EYA2: variants seen among roughly 807,000 people sequenced by gnomAD.
The protein encoded by EYA2 is protein phosphatase EYA2.
Under a neutral mutation model 69.2 loss-of-function variants are expected in EYA2, and 31 were observed. That is an observed-to-expected ratio of 0.45 (90% confidence interval 0.34 to 0.60). The LOEUF (loss-of-function observed/expected upper bound fraction) is 0.60. Among genes scored for constraint, EYA2 ranks in the 20% least tolerant of loss-of-function variants. EYA2 has a pLI of 0.02. For synonymous variants in EYA2, 257 were observed against 279.4 expected (o/e 0.92, Z 0.80); for missense variants, 622 against 701.2 (o/e 0.89, Z 1.28).
At chr20:46,974,768 C>G (rs983608581) in intron 1 of EYA2, among the ~76,000 whole-genome samples, 1 of 151,810 alleles carries the variant, frequency 6.6e-6, no homozygotes. Flanking sequence ...TTTAATGGCT[C>G]TGCATGAGAC....
rs60939329 is a variant in EYA2 at position 47,023,632 on chromosome 20, G to GTTTTTTTTTTTTT, written c.415+7345_415+7357dup. Among the ~76,000 whole-genome samples the GTTTTTTTTTTTTT allele has an allele frequency of 4.4e-5, 4 of 90,116 alleles. 1 individual carries two copies. The highest frequency in any genetic ancestry group is 2.6e-4 in the Admixed American group (2 of 7,590). 59.1% of individuals were successfully genotyped at this position (90,116 alleles called of 152,430 possible). A position where few individuals can be genotyped will look rare whatever the true frequency, so the allele number is the denominator to read the frequency against. ...CATCTCCAGAAGTTTGATTTTGGGTGTTTTTTTTTTTTTTTTTTTTTTGAA... is the reference window on the plus strand; with the variant it reads ...CATCTCCAGAAGTTTGATTTTGGGTGTTTTTTTTTTTTTTTTTTTTTTTTTTTTTTTTTTTGAA... On this transcript the variant is annotated intron_variant, in intron 5 of 15. Coordinates refer to ENST00000327619, the MANE Select transcript of EYA2 (RefSeq NM_005244.5).
chr20:46,967,334 T>C (rs1444124728), intron 1 of EYA2, among the ~76,000 whole-genome samples: 1 of 152,202 alleles, frequency 6.6e-6, no homozygotes, highest in East Asian at 1.9e-4. Flanking sequence ...ACATTTCAAG[T>C]CACCTGTGGC....
intron 1 of EYA2, among the ~76,000 whole-genome samples, chr20:46,966,037 G>A (rs1262452639): frequency 6.6e-6 from 1 of 152,242 alleles, no homozygotes; most frequent in Non-Finnish European, 1.5e-5. Flanking sequence ...CATGAATGTA[G>A]CACCTGGTGA....
chr20:47,172,933 C>A, intron 12 of EYA2, 66 bp downstream of exon 12: 1 of 1,522,042 alleles, frequency 6.6e-7, no homozygotes, highest in South Asian at 1.3e-5. Flanking sequence ...TGTCAGTGTC[C>A]CTGCTGTGCC....
chr20:46,940,694 C>G (rs116427381), intron 1 of EYA2, among the ~76,000 whole-genome samples: 1 of 152,166 alleles, frequency 6.6e-6, no homozygotes, highest in Non-Finnish European at 1.5e-5. Flanking sequence ...CCAAGCACAG[C>G]GCTCCGGGAG....
In EYA2 at chr20:46,946,485, T is replaced by C. The variant is rs1294871865; in HGVS notation, c.-10-43516T>C. On this transcript the variant is annotated intron_variant, in intron 1 of 15. Transcript: ENST00000327619. ...ATTGTGCGAGGGGCTCCCTTTGTTC[T>C]AAGAACTTTTCTGGACATGACCCTG... is the stretch of plus-strand genomic sequence containing the variant. Among the ~76,000 whole-genome samples the C allele has an allele frequency of 3.3e-5, 5 of 152,162 alleles. No homozygotes were observed. In the South Asian group the frequency reaches 1.0e-3, roughly 31 times the overall value.
At chr20:47,177,967 T>C (rs541611534) in intron 12 of EYA2, among the ~76,000 whole-genome samples, 13 of 152,250 alleles carry the variant, frequency 8.5e-5, no homozygotes, top group Non-Finnish European at 1.5e-4. Context: ...GTTGGGAGAA[T>C]ATAAACTAAA....
At chr20:47,126,088 A>G (rs1015784955) in intron 9 of EYA2, among the ~76,000 whole-genome samples, 7 of 152,238 alleles carry the variant, frequency 4.6e-5, no homozygotes, top group African/African-American at 1.7e-4. Flanking sequence ...TTGCAGCAAC[A>G]GTCTGCAAGC....
At chr20:46,968,815 C>A (rs143968707) in intron 1 of EYA2, among the ~76,000 whole-genome samples, 1 of 151,984 alleles carries the variant, frequency 6.6e-6, no homozygotes, top group Non-Finnish European at 1.5e-5. Flanking sequence ...AGAACCTCTA[C>A]GCTAAAAGAT....
intron 9 of EYA2, among the ~76,000 whole-genome samples, chr20:47,125,034 G>C (rs2033144136): frequency 6.8e-6 from 1 of 146,946 alleles, no homozygotes; most frequent in Admixed American, 6.9e-5. Flanking sequence ...GTATCCTACA[G>C]TCTTTTGGTT....
At chr20:47,184,603 T>TTTA (rs60573435) in intron 15 of EYA2, among the ~76,000 whole-genome samples, 2 of 150,944 alleles carry the variant, frequency 1.3e-5, no homozygotes, top group East Asian at 3.9e-4. Flanking sequence ...TTTTTTTTTT[T>TTTA]ATAGAGATGG....
intron 1 of EYA2, among the ~76,000 whole-genome samples, chr20:46,933,365 G>T (rs973408575): frequency 1.3e-5 from 2 of 152,198 alleles, no homozygotes; most frequent in African/African-American, 2.4e-5. Flanking sequence ...CAGCAGCAGC[G>T]TGGTGGCAGC....
intron 2 of EYA2, among the ~76,000 whole-genome samples, chr20:46,993,411 C>A (rs1290473137): frequency 6.6e-6 from 1 of 152,206 alleles, no homozygotes; most frequent in Non-Finnish European, 1.5e-5. Context: ...TGATTCTGCC[C>A]TCCGAGCCTT....
chr20:47,098,213 T>TGGG (rs1300748122), intron 9 of EYA2, among the ~76,000 whole-genome samples: 1 of 152,216 alleles, frequency 6.6e-6, no homozygotes, highest in Admixed American at 6.5e-5. Context: ...GCAGTGCCTG[T>TGGG]GGGAAATCCA....
intron 1 of EYA2, chr20:46,978,231 A>AC (rs1283097572): frequency 5.1e-6 from 1 of 195,642 alleles, no homozygotes; most frequent in East Asian, 1.3e-4. Context: ...GCTTGTTAGT[A>AC]GGGTCAGTCC....
intron 5 of EYA2, among the ~76,000 whole-genome samples, chr20:47,043,949 T>A (rs748826808): frequency 6.6e-6 from 1 of 152,202 alleles, no homozygotes. Context: ...GGTGTTTGGA[T>A]CCAAACAAAG....
intron 5 of EYA2, among the ~76,000 whole-genome samples, chr20:47,027,454 C>A (rs1195434269): frequency 6.6e-6 from 1 of 152,226 alleles, no homozygotes; most frequent in Non-Finnish European, 1.5e-5. Context: ...TGCAACACCT[C>A]CAGCCTGGGG....
At chr20:47,086,277 G>A (rs1457459440) in intron 7 of EYA2, among the ~76,000 whole-genome samples, 2 of 152,224 alleles carry the variant, frequency 1.3e-5, no homozygotes, top group Non-Finnish European at 2.9e-5. Context: ...CTTAAGGTCA[G>A]GAGTTCGAGA....
chr20:47,026,086 G>T (rs989554467), intron 5 of EYA2, among the ~76,000 whole-genome samples: 10 of 152,238 alleles, frequency 6.6e-5, no homozygotes, highest in African/African-American at 2.4e-4. Context: ...CATGCTTCTA[G>T]TGTGAATACA....
Sources: gnomAD v4.1 joint callset for allele counts (sites outside exome capture counted in the v4.1 genomes callset) on GRCh38, gnomAD v4.1.1 for gene constraint, MANE v1.5 for transcripts, NCBI Gene and HGNC (gene_info 2026-07-23, HGNC 2026-07-21) for gene names.